Variants in HECW1 observed in about 807,000 individuals in gnomAD.
HECW1 encodes E3 ubiquitin-protein ligase HECW1.
HECW1 carries 61 observed loss-of-function variants against 182.3 expected under a neutral mutation model. That is an observed-to-expected ratio of 0.33 (90% CI 0.27 to 0.41). HECW1 has a LOEUF of 0.41. HECW1 is among the 10% of genes least tolerant of loss of function. The probability of loss-of-function intolerance (pLI) is 1.00; values close to 1 mark genes in which losing one functional copy is unlikely to be tolerated. For synonymous variants in HECW1, 859 were observed against 832.6 expected (o/e 1.03, Z -0.55); for missense variants, 1,739 against 2,108.9 (o/e 0.82, Z 3.44).
In HECW1 at chr7:43,528,943, A is replaced by G. The variant is rs1585204346; in HGVS notation, c.4020-12220A>G. The stretch of plus-strand genomic sequence containing the variant: ...ATCATGACTTGCATCTGCAATATTT[A>G]AACAATTTTTATGGGGCATTGGGGA... On this transcript the variant is annotated intron_variant, in intron 24 of 29. Transcript: ENST00000395891. Among the ~76,000 whole-genome samples the G allele has an allele frequency of 2.6e-5, 4 of 152,310 alleles. No homozygotes were observed. The South Asian group carries it at 6.2e-4, about 24-fold the overall frequency.
intron 16 of HECW1, among the ~76,000 whole-genome samples, chr7:43,473,984 G>A (rs1406007714): frequency 6.6e-6 from 1 of 151,936 alleles, no homozygotes; most frequent in Non-Finnish European, 1.5e-5. Flanking sequence ...GATACCAAAA[G>A]GAAAACACTC....
chr7:43,485,776 G>A (rs1451073968), intron 17 of HECW1, among the ~76,000 whole-genome samples: 3 of 152,220 alleles, frequency 2.0e-5, no homozygotes, highest in Admixed American at 2.0e-4. Flanking sequence ...CTCTGGGTGA[G>A]TCAGTGAGTG....
At chr7:43,320,779 T>C in intron 5 of HECW1, 37 bp downstream of exon 5, 2 of 1,441,030 alleles carry the variant, frequency 1.4e-6, no homozygotes, top group Non-Finnish European at 9.8e-7. Flanking sequence ...TTGGCAGACA[T>C]GGATGAAGCA....
chr7:43,412,760 A>G (rs952103394), intron 8 of HECW1, among the ~76,000 whole-genome samples: 1 of 151,698 alleles, frequency 6.6e-6, no homozygotes, highest in African/African-American at 2.4e-5. Flanking sequence ...AATTTCATCC[A>G]TGTCCCTACA....
intron 2 of HECW1, among the ~76,000 whole-genome samples, chr7:43,128,770 A>G (rs765428056): frequency 1.3e-5 from 2 of 152,230 alleles, no homozygotes; most frequent in Admixed American, 6.5e-5. Context: ...GATGCCATTA[A>G]GAACACTTGA....
At chr7:43,314,532 G>A (rs1808942929) in intron 4 of HECW1, among the ~76,000 whole-genome samples, 1 of 152,084 alleles carries the variant, frequency 6.6e-6, no homozygotes, top group Non-Finnish European at 1.5e-5. Context: ...GTAGAGGAGG[G>A]GGTGGGTAGC....
At chr7:43,202,959 A>G (rs1795147386) in intron 2 of HECW1, among the ~76,000 whole-genome samples, 1 of 151,712 alleles carries the variant, frequency 6.6e-6, no homozygotes, top group South Asian at 2.1e-4. Flanking sequence ...ACCTACCCAA[A>G]TCCTATAAAA....
At chr7:43,540,574 T>G (rs1382896764) in intron 24 of HECW1, among the ~76,000 whole-genome samples, 2 of 152,226 alleles carry the variant, frequency 1.3e-5, no homozygotes, top group African/African-American at 4.8e-5. Flanking sequence ...TTCTTAGCAG[T>G]GACCTCGTTC....
intron 9 of HECW1, among the ~76,000 whole-genome samples, 197 bp from the exon 10 acceptor site, chr7:43,442,332 T>A (rs1295796077): frequency 1.3e-5 from 2 of 152,248 alleles, no homozygotes; most frequent in Non-Finnish European, 2.9e-5. Flanking sequence ...TTTGATGAGT[T>A]TATTGGGTCA....
intron 2 of HECW1, among the ~76,000 whole-genome samples, chr7:43,203,019 G>A (rs138191153): frequency 0.026 from 3,931 of 151,800 alleles, 71 homozygotes; most frequent in Non-Finnish European, 0.041. Flanking sequence ...GACTCAGCCC[G>A]CCTGCCCCCA....
chr7:43,493,494 A>G (rs867560693), intron 19 of HECW1, among the ~76,000 whole-genome samples: 17 of 152,372 alleles, frequency 1.1e-4, no homozygotes, highest in Middle Eastern at 3.4e-3. Flanking sequence ...ACAGCACTGT[A>G]TAAATTACTT....
chr7:43,288,035 A>G (rs1447258179), intron 3 of HECW1, among the ~76,000 whole-genome samples: 1 of 152,188 alleles, frequency 6.6e-6, no homozygotes, highest in East Asian at 1.9e-4. Context: ...GAGATAGTTG[A>G]GGAAAGCAAC....
intron 15 of HECW1, among the ~76,000 whole-genome samples, 192 bp from the exon 16 acceptor site, chr7:43,468,728 C>A (rs927209334): frequency 6.6e-6 from 1 of 152,096 alleles, no homozygotes; most frequent in Admixed American, 6.6e-5. Context: ...CGCTATGTAG[C>A]CCAGGCTGGT....
chr7:43,254,906 C>T (rs1800403236), intron 3 of HECW1, among the ~76,000 whole-genome samples: 1 of 152,188 alleles, frequency 6.6e-6, no homozygotes, highest in Non-Finnish European at 1.5e-5. Context: ...TGAATCACCC[C>T]CACTAGGGGC....
Position 43,312,106 on chromosome 7 carries a change from G to A in HECW1, c.352+19G>A. 1 of 1,592,370 alleles carries A rather than the reference G, an allele frequency of 6.3e-7. No individual in the cohort carries two copies. The highest frequency in any genetic ancestry group is 1.1e-5 in the South Asian group (1 of 90,486). The stretch of plus-strand genomic sequence containing the variant: ...CTCATTGGTGAGTAGAATGTGCCAA[G>A]TGTATTATTCATAATTCACTTTTAC... On this transcript the variant is annotated intron_variant, in intron 4 of 29. Transcript: ENST00000395891.
At chr7:43,217,702 T>C (rs1348416448) in intron 2 of HECW1, among the ~76,000 whole-genome samples, 1 of 152,234 alleles carries the variant, frequency 6.6e-6, no homozygotes, top group African/African-American at 2.4e-5. Context: ...ACTCCTCTTC[T>C]CTTTCTGAAC....
chr7:43,274,059 C>A lies in HECW1; in HGVS notation c.27+30127C>A, dbSNP rs553700138. 691 of 317,594 alleles carry A rather than the reference C, an allele frequency of 2.2e-3. 7 individuals are homozygous for A. The highest frequency in any genetic ancestry group is 0.014 in the African/African-American group (630 of 46,298). 19.7% of individuals were successfully genotyped at this position (317,594 alleles called of 1,614,324 possible). On this transcript the variant is annotated intron_variant, in intron 3 of 29. Transcript: ENST00000395891. ...GGAGACGGGGTTTTGCCATGTTGACCAGGCTGGTCTCGAACTCCTGACCTC... is the reference window on the plus strand; with the variant it reads ...GGAGACGGGGTTTTGCCATGTTGACAAGGCTGGTCTCGAACTCCTGACCTC...
intron 5 of HECW1, among the ~76,000 whole-genome samples, chr7:43,345,388 T>C (rs1187756463): frequency 2.0e-5 from 3 of 152,204 alleles, no homozygotes; most frequent in African/African-American, 7.2e-5. Context: ...AGAAGAAAGT[T>C]ACTGAAATCA....
chr7:43,116,758 A>T (rs1240223372), intron 2 of HECW1, among the ~76,000 whole-genome samples: 1 of 152,250 alleles, frequency 6.6e-6, no homozygotes, highest in Admixed American at 6.5e-5. Flanking sequence ...ACTTTTAGAG[A>T]AAACAGTATG....
Sources: allele counts gnomAD v4.1 joint callset (sites outside exome capture counted in the v4.1 genomes callset), GRCh38; gene constraint gnomAD v4.1.1; transcripts MANE v1.5; gene names NCBI Gene and HGNC (gene_info 2026-07-23, HGNC 2026-07-21).